KCNQ1: variants seen among roughly 807,000 people sequenced by gnomAD.
The protein encoded by KCNQ1 is potassium voltage-gated channel subfamily Q member 1.
A neutral mutation model predicts 72.4 loss-of-function variants in KCNQ1; 49 were observed. The observed-to-expected ratio is 0.68, with a 90% CI of 0.54 to 0.86. The LOEUF (loss-of-function observed/expected upper bound fraction) is 0.86, where lower values mean the gene tolerates loss of function less well. Among genes scored for constraint, KCNQ1 ranks in the 40% least tolerant of loss-of-function variants. The probability of loss-of-function intolerance (pLI) is 0.00; values close to 1 mark genes in which losing one functional copy is unlikely to be tolerated. For missense variants in KCNQ1, 790 were observed against 945.1 expected, an observed-to-expected ratio of 0.84 and a Z score of 2.15; for synonymous variants, 450 against 412.6, an observed-to-expected ratio of 1.09 and a Z score of -1.10.
chr11:2,575,490 G>A (rs1589960356), intron 6 of KCNQ1, among the ~76,000 whole-genome samples: 1 of 152,336 alleles, frequency 6.6e-6, no homozygotes, highest in South Asian at 2.1e-4. Flanking sequence ...CGGACAAACA[G>A]AACTTGAGAA....
intron 11 of KCNQ1, chr11:2,675,763 C>T (rs780734973): frequency 7.5e-6 from 3 of 398,704 alleles, no homozygotes; most frequent in Non-Finnish European, 8.8e-6. Context: ...AGACTCACAG[C>T]ACTGTGTGCG....
rs540067358 is a variant in KCNQ1, at chr11:2,658,038, G to A, written c.1394-3923G>A. ...TTTCCATAGCTTAGTCTTTAGAAGCGAGTCACTAAGTATAGCCCACACTCA... is the reference window on the plus strand; with the variant it reads ...TTTCCATAGCTTAGTCTTTAGAAGCAAGTCACTAAGTATAGCCCACACTCA... On this transcript the variant is annotated intron_variant, in intron 10 of 15. Coordinates refer to ENST00000155840, the MANE Select transcript of KCNQ1 (RefSeq NM_000218.3). The surrounding 1 kb of genome is among the most constrained non-coding windows in gnomAD (Gnocchi z 4.9). 3.0e-5 allele frequency: 12 copies of A among 398,352 alleles called. No individual in the cohort carries two copies. The highest frequency in any genetic ancestry group is 4.1e-5 in the African/African-American group (2 of 48,568). The allele number at this position is 398,352 out of a possible 1,614,324, so 24.7% of individuals were successfully genotyped here.
intron 2 of KCNQ1, among the ~76,000 whole-genome samples, chr11:2,557,402 G>C (rs1848088122): frequency 6.6e-6 from 1 of 152,230 alleles, no homozygotes; most frequent in African/African-American, 2.4e-5. Flanking sequence ...CACAAAATAA[G>C]TGAGGACATG....
At chr11:2,615,914 T>C (rs1849054597) in intron 10 of KCNQ1, 1 of 398,196 alleles carries the variant, frequency 2.5e-6, no homozygotes, top group Non-Finnish European at 4.4e-6. Flanking sequence ...CTCTGTTTTT[T>C]GGAAGAGTTT....
chr11:2,538,391 T>C lies in KCNQ1; in HGVS notation c.477+10373T>C, dbSNP rs179440. ...GAGTTGGAGGGCTCACAGGCCCCTCTGTGGGGCCCAGGGCAGAGGCAGCAG... is the reference window on the plus strand; with the variant it reads ...GAGTTGGAGGGCTCACAGGCCCCTCCGTGGGGCCCAGGGCAGAGGCAGCAG... On this transcript the variant is annotated intron_variant, in intron 2 of 15. Transcript: ENST00000155840. This position sits in a 1 kb window ranked among gnomAD's most constrained non-coding sequence, Gnocchi z 6.7. 0.16 allele frequency among the ~76,000 whole-genome samples: 24,609 copies of C among 152,008 alleles called. 2,303 individuals carry two copies. The highest frequency in any genetic ancestry group is 0.31 in the East Asian group (1,604 of 5,134).
chr11:2,797,295 A>AC (rs1023009685), intron 15 of KCNQ1, among the ~76,000 whole-genome samples: 2 of 152,150 alleles, frequency 1.3e-5, no homozygotes, highest in Non-Finnish European at 2.9e-5. Context: ...ACGGGCCCCA[A>AC]CCTGCCTGCA....
rs1481516591 is a variant in KCNQ1, at chr11:2,484,443, G to T, written c.386+38959G>T. Reference sequence around the variant, plus strand: ...GCCTCCCAAAGTGCAGGGATTACAGGTGTGAGCCACTGCACCCAGCCTCAT... The same window carrying T: ...GCCTCCCAAAGTGCAGGGATTACAGTTGTGAGCCACTGCACCCAGCCTCAT... On this transcript the variant is annotated intron_variant, in intron 1 of 15. Transcript: ENST00000155840. This position sits in a 1 kb window ranked among gnomAD's most constrained non-coding sequence, Gnocchi z 5.2. Among the ~76,000 whole-genome samples the T allele has an allele frequency of 6.6e-6, 1 of 152,202 alleles. No individual in the cohort carries two copies. The highest frequency in any genetic ancestry group is 1.9e-4 in the East Asian group (1 of 5,186).
rs7924846 is a variant in KCNQ1, at chr11:2,543,179, G to A, written c.477+15161G>A. Among the ~76,000 whole-genome samples the A allele has an allele frequency of 0.14, 21,875 of 152,208 alleles. 1,788 individuals are homozygous for A. The highest frequency in any genetic ancestry group is 0.3 in the East Asian group (1,533 of 5,182). On this transcript the variant is annotated intron_variant, in intron 2 of 15. Transcript: ENST00000155840. The surrounding 1 kb of genome is among the most constrained non-coding windows in gnomAD (Gnocchi z 5.6). ...TGTAAAATTGGGCTGTTTGTCATCT[G>A]AGTTGTAAAAGTTCTTTGTATATTC...
chr11:2,743,614 C>T (rs956447443), intron 11 of KCNQ1, among the ~76,000 whole-genome samples: 4 of 152,188 alleles, frequency 2.6e-5, no homozygotes, highest in Non-Finnish European at 4.4e-5. Context: ...TGCGTCTCCC[C>T]GGAGGAGAGC....
At chr11:2,572,130 G>C in intron 5 of KCNQ1, 21 bp downstream of exon 5, 1 of 1,585,762 alleles carries the variant, frequency 6.3e-7, no homozygotes, top group Non-Finnish European at 8.6e-7. Context: ...CGGGTTAGGG[G>C]TGCGGGGCCC....
At chr11:2,619,736 C>T in intron 10 of KCNQ1, 1 of 397,076 alleles carries the variant, frequency 2.5e-6, no homozygotes, top group Non-Finnish European at 4.4e-6. Flanking sequence ...GGAAGTATTC[C>T]CTATAGCTGC....
At chr11:2,590,288 C>A (rs16928460) in intron 10 of KCNQ1, among the ~76,000 whole-genome samples, 2,425 of 152,360 alleles carry the variant, frequency 0.016, 52 homozygotes, top group South Asian at 0.045. Context: ...TCGCTGCTTC[C>A]TCTGAGGCAG....
Position 2,573,103 on chromosome 11 carries a change from C to G in KCNQ1, c.921+117C>G, listed in dbSNP as rs930906455. ...CCTTGGCAGGGGCTTCTCACCTGCA[C>G]GCTCACAGGCCTCTGTCCACAAACC... On this transcript the variant is annotated intron_variant, in intron 6 of 15. Transcript: ENST00000155840. The G allele has an allele frequency of 4.1e-6, 5 of 1,211,796 alleles. No individual in the cohort carries two copies. In the East Asian group the frequency reaches 7.5e-5, roughly 18 times the overall value. 75.1% of individuals were successfully genotyped at this position (1,211,796 alleles called of 1,614,324 possible).
rs116107325 is a variant in KCNQ1 at position 2,834,035 on chromosome 11, C to T, written c.1795-13732C>T. Among the ~76,000 whole-genome samples, 1,199 of 152,310 alleles carry T rather than the reference C, an allele frequency of 7.9e-3. 17 individuals are homozygous for T. The highest frequency in any genetic ancestry group is 0.027 in the African/African-American group (1,106 of 41,570). On this transcript the variant is annotated intron_variant, in intron 15 of 15. Transcript: ENST00000155840. ...AGGAGTGCAGCCAGGGGCTGGCTCCCGGGAGGACATGGGCAGAGGCTTAGG... is the reference window on the plus strand; with the variant it reads ...AGGAGTGCAGCCAGGGGCTGGCTCCTGGGAGGACATGGGCAGAGGCTTAGG...
intron 2 of KCNQ1, among the ~76,000 whole-genome samples, chr11:2,533,655 T>C (rs1364137200): frequency 6.6e-6 from 1 of 152,226 alleles, no homozygotes; most frequent in Non-Finnish European, 1.5e-5. Flanking sequence ...TGTGTGTGCT[T>C]TGCGTGTTCT....
chr11:2,542,887 T>C (rs909087252), intron 2 of KCNQ1, among the ~76,000 whole-genome samples: 8 of 152,242 alleles, frequency 5.3e-5, no homozygotes, highest in African/African-American at 1.7e-4. Context: ...TTATATTTCC[T>C]TTCTGCATGG....
rs1847273660 is a variant in KCNQ1, at chr11:2,515,478, A to G, written c.387-12450A>G. ...CCCGAGGCCCCTGCTGCCCAGCAAG[A>G]CCACCACCCTCTGCTCCAGGACAGC... is the stretch of plus-strand genomic sequence containing the variant. On this transcript the variant is annotated intron_variant, in intron 1 of 15. Transcript: ENST00000155840. The surrounding 1 kb of genome is among the most constrained non-coding windows in gnomAD (Gnocchi z 4.7). Among the ~76,000 whole-genome samples the G allele has an allele frequency of 6.7e-6, 1 of 148,222 alleles. No homozygotes were observed. The highest frequency in any genetic ancestry group is 1.5e-5 in the Non-Finnish European group (1 of 66,332).
In KCNQ1 at chr11:2,515,875, G is replaced by A. The variant is rs1346491276; in HGVS notation, c.387-12053G>A. Among the ~76,000 whole-genome samples, 2 of 151,960 alleles carry A rather than the reference G, an allele frequency of 1.3e-5. No homozygotes were observed. The highest frequency in any genetic ancestry group is 2.9e-5 in the Non-Finnish European group (2 of 67,988). On this transcript the variant is annotated intron_variant, in intron 1 of 15. Coordinates refer to ENST00000155840, the MANE Select transcript of KCNQ1 (RefSeq NM_000218.3). This position sits in a 1 kb window ranked among gnomAD's most constrained non-coding sequence, Gnocchi z 4.7. The stretch of plus-strand genomic sequence containing the variant: ...CTGCACCCTCCGGGCCCCAGGAGAA[G>A]CTCATGCCTTTCCTGCTTGCACCCC...
At chr11:2,795,854 C>A (rs1847117623) in intron 15 of KCNQ1, among the ~76,000 whole-genome samples, 1 of 152,190 alleles carries the variant, frequency 6.6e-6, no homozygotes, top group Non-Finnish European at 1.5e-5. Context: ...CCTCCACAAG[C>A]AGGGGTCCCA....
Sources: allele counts gnomAD v4.1 joint callset (sites outside exome capture counted in the v4.1 genomes callset), GRCh38; gene constraint gnomAD v4.1.1; non-coding constraint Gnocchi (gnomAD v3.1); transcripts MANE v1.5; gene names NCBI Gene and HGNC (gene_info 2026-07-23, HGNC 2026-07-21).